Variants in GPHN observed in about 807,000 individuals in gnomAD.
GPHN encodes the protein gephyrin.
A neutral mutation model predicts 95.5 loss-of-function variants in GPHN; 17 were observed. That is an observed-to-expected ratio of 0.18 (90% CI 0.12 to 0.27). The LOEUF is 0.27. GPHN is among the 10% of genes least tolerant of loss of function. The probability of loss-of-function intolerance (pLI) is 1.00; values close to 1 mark genes in which losing one functional copy is unlikely to be tolerated. For synonymous variants in GPHN, 320 were observed against 322.5 expected, an observed-to-expected ratio of 0.99 and a Z score of 0.08; for missense variants, 660 against 978.1, an observed-to-expected ratio of 0.67 and a Z score of 4.34.
chr14:67,350,468 T>C, the GPHN span: 1 of 596,810 alleles, frequency 1.7e-6, no homozygotes, highest in South Asian at 2.5e-5. Flanking sequence ...GTTAAGGTGA[T>C]GGGGTTAAAA....
intron 3 of GPHN, among the ~76,000 whole-genome samples, chr14:66,820,378 T>C (rs2061142706): frequency 1.3e-5 from 2 of 152,130 alleles, no homozygotes; most frequent in African/African-American, 4.8e-5. Flanking sequence ...ACATATAGTC[T>C]TTGTTGGAAT....
intron 21 of GPHN, among the ~76,000 whole-genome samples, chr14:67,175,594 G>T (rs2082892478): frequency 6.6e-6 from 1 of 152,140 alleles, no homozygotes. Flanking sequence ...CTTTAAAGTA[G>T]TTTTTTCCAA....
chr14:67,710,173 T>C, the GPHN span, among the ~76,000 whole-genome samples: 2 of 152,220 alleles, frequency 1.3e-5, no homozygotes, highest in Non-Finnish European at 2.9e-5. Context: ...AGCTGTTCCC[T>C]GACCACTTTG....
the GPHN span, among the ~76,000 whole-genome samples, chr14:67,236,528 C>G: frequency 6.6e-6 from 1 of 152,118 alleles, no homozygotes; most frequent in Non-Finnish European, 1.5e-5. Context: ...AATGCTTAGC[C>G]CATTAAATGA....
At chr14:66,891,324 CAA>C (rs1393230275) in intron 5 of GPHN, among the ~76,000 whole-genome samples, 2 of 151,902 alleles carry the variant, frequency 1.3e-5, no homozygotes, top group African/African-American at 4.8e-5. Context: ...GGAATAGAAA[CAA>C]GAGCCCAGAA....
At chr14:67,111,162 C>A (rs1239373496) in intron 14 of GPHN, among the ~76,000 whole-genome samples, 1 of 152,204 alleles carries the variant, frequency 6.6e-6, no homozygotes, top group Non-Finnish European at 1.5e-5. Flanking sequence ...AATCACCTTT[C>A]CATATGTAAG....
the GPHN span, among the ~76,000 whole-genome samples, chr14:67,644,883 A>C: frequency 6.6e-6 from 1 of 151,970 alleles, no homozygotes; most frequent in African/African-American, 2.4e-5. Flanking sequence ...CTGTAATCCC[A>C]ATTACTCGGG....
the GPHN span, chr14:67,473,454 A>G: frequency 1.1e-5 from 18 of 1,614,116 alleles, no homozygotes; most frequent in East Asian, 1.8e-4. This position sits in a 1 kb window ranked among gnomAD's most constrained non-coding sequence, Gnocchi z 6.5. Context: ...GGCCAGGGCT[A>G]GGGCGCCGCT....
chr14:67,329,965 T>C, the GPHN span, among the ~76,000 whole-genome samples: 3 of 151,346 alleles, frequency 2.0e-5, no homozygotes, highest in Middle Eastern at 3.2e-3. Flanking sequence ...CTGAATCTGT[T>C]CTTCTAGTAT....
At chr14:67,579,924 A>G in the GPHN span, 1 of 1,529,658 alleles carries the variant, frequency 6.5e-7, no homozygotes, top group South Asian at 1.2e-5. Context: ...GCTCAGGGAT[A>G]TTGGTGGTGG....
chr14:66,523,983 A>T (rs1248194536), intron 1 of GPHN, among the ~76,000 whole-genome samples: 1 of 152,078 alleles, frequency 6.6e-6, no homozygotes, highest in Non-Finnish European at 1.5e-5. Context: ...GAGTTAGAAG[A>T]TGCTATTTGT....
intron 12 of GPHN, among the ~76,000 whole-genome samples, chr14:67,091,117 G>A (rs2077130196): frequency 6.6e-6 from 1 of 151,740 alleles, no homozygotes; most frequent in African/African-American, 2.4e-5. Context: ...TAAATAAAAT[G>A]GTAGAGAGAT....
intron 5 of GPHN, among the ~76,000 whole-genome samples, chr14:66,882,232 C>T (rs1166241117): frequency 6.6e-6 from 1 of 151,608 alleles, no homozygotes; most frequent in Non-Finnish European, 1.5e-5. Context: ...CATCCTCAGC[C>T]CCTAAAACAA....
chr14:67,655,914 T>C, the GPHN span, among the ~76,000 whole-genome samples: 1 of 151,906 alleles, frequency 6.6e-6, no homozygotes, highest in Non-Finnish European at 1.5e-5. Flanking sequence ...GGGGTAAAAT[T>C]GCTTCTAAGG....
the GPHN span, among the ~76,000 whole-genome samples, chr14:67,535,679 C>G: frequency 6.6e-6 from 1 of 152,008 alleles, no homozygotes; most frequent in Non-Finnish European, 1.5e-5. Context: ...CGTGCCCAGC[C>G]TCGTGAGCAC....
intron 8 of GPHN, among the ~76,000 whole-genome samples, chr14:66,932,473 T>TTTTC (rs2066876500): frequency 7.2e-6 from 1 of 139,368 alleles, no homozygotes; most frequent in Non-Finnish European, 1.5e-5. Flanking sequence ...TTTTTTTTTT[T>TTTTC]TTTTTTTCAG....
At chr14:67,292,498 C>T in the GPHN span, 1 of 1,558,862 alleles carries the variant, frequency 6.4e-7, no homozygotes, top group South Asian at 1.1e-5. Flanking sequence ...GATACCTTTT[C>T]TTCTTCTACT....
intron 3 of GPHN, among the ~76,000 whole-genome samples, chr14:66,814,701 A>G (rs1360344276): frequency 6.6e-6 from 1 of 152,232 alleles, no homozygotes; most frequent in East Asian, 1.9e-4. Flanking sequence ...TAAGCCCACA[A>G]AGATGAGAAA....
At chr14:66,562,549 C>T (rs190153874) in intron 1 of GPHN, among the ~76,000 whole-genome samples, 1 of 152,126 alleles carries the variant, frequency 6.6e-6, no homozygotes, top group African/African-American at 2.4e-5. Flanking sequence ...CAGGAGAGTA[C>T]TCAATGATTA....
Sources: gnomAD v4.1 joint callset for allele counts (sites outside exome capture counted in the v4.1 genomes callset) on GRCh38, gnomAD v4.1.1 for gene constraint, Gnocchi (gnomAD v3.1) non-coding constraint, MANE v1.5 for transcripts, NCBI Gene and HGNC (gene_info 2026-07-23, HGNC 2026-07-21) for gene names.